Variants in LAMB4 observed in about 807,000 individuals in gnomAD.
The protein encoded by LAMB4 is laminin subunit beta 4, also known as laminin subunit beta-4.
A neutral mutation model predicts 199.2 loss-of-function variants in LAMB4; 196 were observed. The ratio of observed to expected loss-of-function variants is 0.98; its 90% CI spans 0.88 to 1.11. LAMB4 has a LOEUF of 1.11. LAMB4 is among the 50% of genes least tolerant of loss of function. LAMB4 has a pLI of 0.00. For synonymous variants in LAMB4, 744 were observed against 770.6 expected, an observed-to-expected ratio of 0.97 and a Z score of 0.57; for missense variants, 2,080 against 2,171.2, an observed-to-expected ratio of 0.96 and a Z score of 0.83.
At position 108,052,095 on chromosome 7, in the gene LAMB4, A is replaced by G; in HGVS notation, c.3916+2T>C. The G allele has an allele frequency of 6.3e-7, 1 of 1,598,978 alleles. No homozygotes were observed. The stretch of plus-strand genomic sequence containing the variant: ...ACAGTCAAAAATACATTTTTCCCTT[A>G]CCCGCAATGCTTGCATTAAGGACAC... On this transcript the variant is annotated splice_donor_variant, in intron 26 of 33. Transcript: ENST00000388781. LOFTEE classifies it high-confidence loss of function.
intron 8 of LAMB4, 93 bp from the exon 9 acceptor site, chr7:108,104,712 A>G (rs2037941334): frequency 7.0e-7 from 1 of 1,434,422 alleles, no homozygotes. Flanking sequence ...AGGTCCTGGT[A>G]CCTCTCTGAT....
chr7:108,047,182 T>C (rs890236042), intron 28 of LAMB4, among the ~76,000 whole-genome samples: 3 of 152,114 alleles, frequency 2.0e-5, no homozygotes, highest in Non-Finnish European at 2.9e-5. Context: ...TCTTTCTCTC[T>C]CTCTTTACAC....
Position 108,037,459 on chromosome 7 carries a change from C to T in LAMB4, c.4608G>A (p.Arg1536=). ...CTTCATTTAACCTGTTTTCATCTGT[C>T]CTGTAATCCTCACAGAGTTGCATAT... ...QKHMQLCEDY[R]TDENRLNEEA... Residue 1536 remains arginine, a synonymous_variant, in exon 30 of 34, where the codon AGG becomes AGA. Coordinates refer to ENST00000388781, the MANE Select transcript of LAMB4 (RefSeq NM_007356.3). 6.2e-7 allele frequency: 1 copy of T among 1,614,148 alleles called. No individual in the cohort carries two copies. The highest frequency in any genetic ancestry group is 1.1e-5 in the South Asian group (1 of 91,082).
At position 108,055,802 on chromosome 7, in the gene LAMB4, C is replaced by T. The variant is rs2035963103; in HGVS notation, c.3585G>A (p.Gly1195=). 1 of 1,614,086 alleles carries T rather than the reference C, an allele frequency of 6.2e-7. No homozygotes were observed. ...TISSLSKAVQ[G]LMRLAANMED... is the part of the protein sequence containing the mutation. ...CCATGTTAGCAGCCAGTCTCATTAA[C>T]CCTTGCACCGCTTTGGAGAGGGAAG... is the stretch of plus-strand genomic sequence containing the variant. Residue 1195 remains glycine (G), a synonymous_variant, in exon 25 of 34, where the codon GGG becomes GGA. Coordinates refer to ENST00000388781, the MANE Select transcript of LAMB4 (RefSeq NM_007356.3).
chr7:108,095,832 G>T (rs2037575274), intron 11 of LAMB4, among the ~76,000 whole-genome samples: 1 of 152,110 alleles, frequency 6.6e-6, no homozygotes, highest in African/African-American at 2.4e-5. Context: ...ATGTTGCAAA[G>T]GCTAAAAAGA....
intron 31 of LAMB4, among the ~76,000 whole-genome samples, chr7:108,032,069 T>C (rs2035057556): frequency 6.6e-6 from 1 of 152,306 alleles, no homozygotes; most frequent in African/African-American, 2.4e-5. Flanking sequence ...GATTTTGTTG[T>C]TCATTATTTC....
At chr7:108,096,181 C>T (rs1380193309) in intron 11 of LAMB4, among the ~76,000 whole-genome samples, 2 of 152,154 alleles carry the variant, frequency 1.3e-5, no homozygotes, top group African/African-American at 4.8e-5. Flanking sequence ...CCCCTCTAAT[C>T]CCTAGCAACC....
chr7:108,037,533 G>A lies in LAMB4; in HGVS notation c.4534C>T (p.Pro1512Ser), dbSNP rs1381949315. The A allele has an allele frequency of 6.2e-7, 1 of 1,613,980 alleles. No homozygotes were observed. Among genetic ancestry groups the A allele is most frequent in the African/African-American group, 1.3e-5 (1 of 74,902 alleles). Residue 1512 changes from proline (P) to serine (S), a missense_variant, in exon 30 of 34, where the codon CCA (proline) becomes TCA (serine). By Grantham distance (74) the Pro-to-Ser change is moderately conservative. Coordinates refer to ENST00000388781, the MANE Select transcript of LAMB4 (RefSeq NM_007356.3). Reference sequence around the variant, plus strand: ...TCGGTTAGATTTTGGGATGGAATTGGTAGGTGAATGTCAAGCACACCATTC... The same window carrying A: ...TCGGTTAGATTTTGGGATGGAATTGATAGGTGAATGTCAAGCACACCATTC... The part of the protein sequence containing the change: ...VANGVLDIHL[P>S]IPSQNLTDEL...
In LAMB4 at chr7:108,024,088, T is replaced by G; in HGVS notation, c.5237A>C (p.Lys1746Thr). The change falls in exon 34 of 34, where the codon AAA becomes ACA. Residue 1746 changes from lysine (K) to threonine (T), a missense_variant. By Grantham distance (78) the Lys-to-Thr change is moderately conservative. Coordinates refer to ENST00000388781, the MANE Select transcript of LAMB4 (RefSeq NM_007356.3). ...RILEDQVVAI[K>T]NEIVEQEKKY... ...TTTTTCTTGTTCAACAATTTCATTT[T>G]TAATGGCAACAACTTGATCTTCCAA... 6.2e-7 allele frequency: 1 copy of G among 1,609,226 alleles called. No homozygotes were observed.
At chr7:108,050,010 G>A (rs2035777336) in intron 26 of LAMB4, among the ~76,000 whole-genome samples, 1 of 152,134 alleles carries the variant, frequency 6.6e-6, no homozygotes, top group Non-Finnish European at 1.5e-5. Flanking sequence ...AACTTTTTCT[G>A]CAAAGGCCAA....
At chr7:108,055,030 T>C (rs995850052) in intron 25 of LAMB4, among the ~76,000 whole-genome samples, 4 of 152,228 alleles carry the variant, frequency 2.6e-5, no homozygotes, top group African/African-American at 9.6e-5. Context: ...TATGTTGTTT[T>C]TGAAACTACC....
chr7:108,067,243 A>G (rs991727910), intron 19 of LAMB4, among the ~76,000 whole-genome samples: 2 of 152,234 alleles, frequency 1.3e-5, no homozygotes, highest in East Asian at 1.9e-4. Flanking sequence ...GATGGATCCA[A>G]TGATGGGCTG....
In LAMB4 at chr7:108,078,552, G is replaced by A. The variant is rs2036797238; in HGVS notation, c.1888-236C>T. ...TGTTTCTCATGGGCTCATGAGCCTG[G>A]AAAAACCTTAACTCTCCTGACAAGC... is the stretch of plus-strand genomic sequence containing the variant. On this transcript the variant is annotated intron_variant, in intron 15 of 33. Coordinates refer to ENST00000388781, the MANE Select transcript of LAMB4 (RefSeq NM_007356.3). 2.0e-5 allele frequency among the ~76,000 whole-genome samples: 3 copies of A among 152,096 alleles called. No homozygotes were observed. The South Asian group carries it at 6.2e-4, about 32-fold the overall frequency.
chr7:108,064,088 T>A lies in LAMB4; in HGVS notation c.2837-103A>T. On this transcript the variant is annotated intron_variant, in intron 21 of 33. Coordinates refer to ENST00000388781, the MANE Select transcript of LAMB4 (RefSeq NM_007356.3). Reference sequence around the variant, plus strand: ...GAAAATTATTGGGCTCCTCTAGGAATAATGAGAAATCACACATTCGGGGTG... The same window carrying A: ...GAAAATTATTGGGCTCCTCTAGGAAAAATGAGAAATCACACATTCGGGGTG... 9 of 797,964 alleles carry A rather than the reference T, an allele frequency of 1.1e-5. 1 individual carries two copies. Among genetic ancestry groups the A allele is most frequent in the Non-Finnish European group, 6.5e-6 (3 of 462,702 alleles). 49.4% of individuals were successfully genotyped at this position (797,964 alleles called of 1,614,324 possible).
chr7:108,072,224 G>A (rs2036557790), intron 17 of LAMB4, among the ~76,000 whole-genome samples: 1 of 152,088 alleles, frequency 6.6e-6, no homozygotes, highest in Non-Finnish European at 1.5e-5. Context: ...CTATGTTTTT[G>A]AAACATGTTT....
At chr7:108,037,828 T>G (rs1267463440) in intron 29 of LAMB4, among the ~76,000 whole-genome samples, 1 of 152,216 alleles carries the variant, frequency 6.6e-6, no homozygotes, top group Non-Finnish European at 1.5e-5. Flanking sequence ...CAAGTGCTTG[T>G]TGGAAAAACA....
intron 29 of LAMB4, among the ~76,000 whole-genome samples, chr7:108,041,719 G>C (rs1373018929): frequency 6.6e-6 from 1 of 152,116 alleles, no homozygotes; most frequent in Non-Finnish European, 1.5e-5. Context: ...ACATAGAGGG[G>C]AACAACACAC....
Position 108,104,651 on chromosome 7 carries a change from AG to A in LAMB4, c.871-33del, listed in dbSNP as rs2037937818. The A allele has an allele frequency of 1.9e-6, 3 of 1,608,218 alleles. No homozygotes were observed. The South Asian group carries it at 3.3e-5, about 18-fold the overall frequency. On this transcript the variant is annotated intron_variant, in intron 8 of 33. Coordinates refer to ENST00000388781, the MANE Select transcript of LAMB4 (RefSeq NM_007356.3). ...TGTGCAATAAATAGAGCGTTGAAAG[AG>A]GGCTTGTCCTTGGGGACGTTGGGGT...
intron 14 of LAMB4, among the ~76,000 whole-genome samples, chr7:108,083,538 G>A (rs2037040813): frequency 1.3e-5 from 2 of 152,136 alleles, no homozygotes; most frequent in African/African-American, 2.4e-5. Flanking sequence ...GCGATTTTGG[G>A]ATTCACTGCC....
Sources: allele counts gnomAD v4.1 joint callset (sites outside exome capture counted in the v4.1 genomes callset), GRCh38; gene constraint gnomAD v4.1.1; transcripts MANE v1.5; gene names NCBI Gene and HGNC (gene_info 2026-07-23, HGNC 2026-07-21).